Variants in CCDC102B observed in about 807,000 individuals in gnomAD.
CCDC102B encodes coiled-coil domain containing 102B.
In CCDC102B, 75 loss-of-function variants were observed where a neutral mutation model predicts 57.4. That is an observed-to-expected ratio of 1.31 (90% CI 1.08 to 1.58). The LOEUF (loss-of-function observed/expected upper bound fraction) is 1.58, where lower values mean the gene tolerates loss of function less well. Among genes scored for constraint, CCDC102B ranks in the 40% most tolerant of loss-of-function variants. The pLI, the probability that CCDC102B is intolerant of heterozygous loss-of-function variation, is 0.00. For missense variants in CCDC102B, 636 were observed against 582.6 expected (o/e 1.09, Z -0.94); for synonymous variants, 206 against 201.9 (o/e 1.02, Z -0.17).
chr18:69,020,470 A>G (rs184036866), intron 7 of CCDC102B, among the ~76,000 whole-genome samples: 9 of 152,268 alleles, frequency 5.9e-5, no homozygotes, highest in Admixed American at 4.6e-4. Flanking sequence ...GAACTATAGT[A>G]TCATTTTGGA....
intron 2 of CCDC102B, among the ~76,000 whole-genome samples, chr18:68,736,185 T>G (rs569028301): frequency 6.6e-6 from 1 of 152,344 alleles, no homozygotes; most frequent in Admixed American, 6.5e-5. Flanking sequence ...ATTCTAAAGG[T>G]TGTTTTAGGA....
In CCDC102B at chr18:69,015,065, A is replaced by G. The variant is rs141841313; in HGVS notation, c.1434+3961A>G. On this transcript the variant is annotated intron_variant, in intron 7 of 7. Coordinates refer to ENST00000360242, the MANE Select transcript of CCDC102B (RefSeq NM_024781.3). Reference sequence around the variant, plus strand: ...TGCTGTTCTTTGCTGTGGGAGGAATACATTTCCCAAGCATGAATGGAGGCA... The same window carrying G: ...TGCTGTTCTTTGCTGTGGGAGGAATGCATTTCCCAAGCATGAATGGAGGCA... Among the ~76,000 whole-genome samples, 7 of 152,142 alleles carry G rather than the reference A, an allele frequency of 4.6e-5. No individual in the cohort carries two copies. In the East Asian group the frequency reaches 1.2e-3, roughly 25 times the overall value.
intron 6 of CCDC102B, among the ~76,000 whole-genome samples, chr18:68,997,397 T>C (rs2051059098): frequency 6.6e-6 from 1 of 152,172 alleles, no homozygotes; most frequent in African/African-American, 2.4e-5. Flanking sequence ...ATAGGTAAAG[T>C]GAATTTCCCA....
At chr18:69,039,461 TTC>T (rs1477130950) in intron 7 of CCDC102B, among the ~76,000 whole-genome samples, 2 of 151,926 alleles carry the variant, frequency 1.3e-5, no homozygotes, top group African/African-American at 4.8e-5. Context: ...TAAACATCTA[TTC>T]TAAGTTTTCT....
chr18:68,913,668 A>AC (rs1329503905), intron 6 of CCDC102B, among the ~76,000 whole-genome samples: 2 of 151,224 alleles, frequency 1.3e-5, no homozygotes, highest in Admixed American at 1.3e-4. Flanking sequence ...AGAAAAAAAA[A>AC]AAAGCAAAAA....
chr18:68,847,408 T>A (rs973171244), intron 4 of CCDC102B, among the ~76,000 whole-genome samples: 21 of 142,386 alleles, frequency 1.5e-4, no homozygotes, highest in Admixed American at 7.1e-4. Context: ...ATGCAATTAG[T>A]GTAAAATTTA....
chr18:69,015,123 G>A (rs574560793), intron 7 of CCDC102B, among the ~76,000 whole-genome samples: 7 of 152,262 alleles, frequency 4.6e-5, no homozygotes, highest in Admixed American at 1.3e-4. Context: ...AATGGAATGC[G>A]TGCCGTTTTC....
intron 2 of CCDC102B, among the ~76,000 whole-genome samples, chr18:68,766,624 A>G (rs2034478485): frequency 6.6e-6 from 1 of 152,170 alleles, no homozygotes; most frequent in Non-Finnish European, 1.5e-5. Flanking sequence ...CAGCACAGGA[A>G]TTTCCAAGTA....
intron 7 of CCDC102B, among the ~76,000 whole-genome samples, chr18:69,013,612 TAC>T (rs1205723265): frequency 6.6e-6 from 1 of 152,238 alleles, no homozygotes; most frequent in Non-Finnish European, 1.5e-5. Context: ...TAACATTTGA[TAC>T]ATTAGTTTCC....
At chr18:68,717,368 CAA>C (rs2032084659) in intron 2 of CCDC102B, among the ~76,000 whole-genome samples, 1 of 152,116 alleles carries the variant, frequency 6.6e-6, no homozygotes, top group Non-Finnish European at 1.5e-5. Context: ...TAAAATGTCT[CAA>C]TATTTTTTAC....
intron 1 of CCDC102B, among the ~76,000 whole-genome samples, chr18:68,813,219 G>A (rs768873528): frequency 1.3e-4 from 19 of 151,752 alleles, no homozygotes; most frequent in African/African-American, 3.1e-4. Context: ...CTCCTGTTTC[G>A]CCATAATAAG....
chr18:68,921,674 C>T (rs1173119897), intron 6 of CCDC102B, among the ~76,000 whole-genome samples: 1 of 152,120 alleles, frequency 6.6e-6, no homozygotes, highest in Non-Finnish European at 1.5e-5. Context: ...TTCAGGCAGG[C>T]TCTAAGAGCA....
In CCDC102B at chr18:68,738,993, C is replaced by CTTTTTTTTTTTTTTTTT. The variant is rs201214278; in HGVS notation, c.-67+22403_-67+22404insTTTTTTTTTTTTTTTTT. On this transcript the variant is annotated intron_variant, in intron 2 of 3. Transcript: ENST00000578970. Reference sequence around the variant, plus strand: ...GGCCATTGGACTGTAGATGAGCAGCCTTTTGTTTTTTTTTTTTTTAGACCA... The same window carrying CTTTTTTTTTTTTTTTTT: ...GGCCATTGGACTGTAGATGAGCAGCCTTTTTTTTTTTTTTTTTTTTTGTTTTTTTTTTTTTTAGACCA... 8.9e-4 allele frequency among the ~76,000 whole-genome samples: 129 copies of CTTTTTTTTTTTTTTTTT among 144,984 alleles called. 6 individuals carry two copies. The highest frequency in any genetic ancestry group is 3.0e-3 in the African/African-American group (115 of 37,946).
intron 2 of CCDC102B, among the ~76,000 whole-genome samples, chr18:68,757,995 G>T (rs1023100816): frequency 2.0e-5 from 3 of 151,942 alleles, no homozygotes; most frequent in Non-Finnish European, 4.4e-5. Context: ...TTGTATTAAA[G>T]ATAGCCTTTT....
intron 1 of CCDC102B, among the ~76,000 whole-genome samples, chr18:68,813,774 T>TTATATATATATATATATATA (rs142225933): frequency 1.9e-4 from 28 of 145,966 alleles, no homozygotes; most frequent in African/African-American, 6.8e-4. Context: ...AAATATAATT[T>TTATATATATATATATATATA]TATATATATA....
intron 6 of CCDC102B, among the ~76,000 whole-genome samples, chr18:68,899,487 TC>T (rs1168816895): frequency 1.3e-5 from 2 of 151,870 alleles, no homozygotes; most frequent in Non-Finnish European, 2.9e-5. Flanking sequence ...GTACAGAAAT[TC>T]CATACATGAG....
chr18:68,764,311 C>A (rs1260361921), intron 2 of CCDC102B, among the ~76,000 whole-genome samples: 1 of 152,168 alleles, frequency 6.6e-6, no homozygotes. Flanking sequence ...CATGGCGACT[C>A]ACAGTTCTTT....
At position 68,928,883 on chromosome 18, in the gene CCDC102B, G is replaced by A. The variant is rs17817705; in HGVS notation, c.1263+31455G>A. Among the ~76,000 whole-genome samples, 1,082 of 151,844 alleles carry A rather than the reference G, an allele frequency of 7.1e-3. 5 individuals carry two copies. The highest frequency in any genetic ancestry group is 0.012 in the South Asian group (60 of 4,822). ...AAGAAAGTAGTTGAAATGAGGAGTCGTGGTATCTAACCTCAATGCTAGAAG... is the reference window on the plus strand; with the variant it reads ...AAGAAAGTAGTTGAAATGAGGAGTCATGGTATCTAACCTCAATGCTAGAAG... On this transcript the variant is annotated intron_variant, in intron 6 of 7. Transcript: ENST00000360242.
chr18:68,911,717 A>G (rs370132870), intron 6 of CCDC102B, among the ~76,000 whole-genome samples: 1 of 120,044 alleles, frequency 8.3e-6, no homozygotes, highest in Non-Finnish European at 1.6e-5. Context: ...GCGCCACTGC[A>G]CTCCAGCCTG....
Sources: gnomAD v4.1 joint callset for allele counts (sites outside exome capture counted in the v4.1 genomes callset) on GRCh38, gnomAD v4.1.1 for gene constraint, MANE v1.5 for transcripts, NCBI Gene and HGNC (gene_info 2026-07-23, HGNC 2026-07-21) for gene names.